Variants in IL3RA observed in about 807,000 individuals in gnomAD.
The protein encoded by IL3RA is interleukin-3 receptor subunit alpha.
In IL3RA, 73 loss-of-function variants were observed where a neutral mutation model predicts 52.3. That is an observed-to-expected ratio of 1.40 (90% confidence interval 1.16 to 1.70). The LOEUF is 1.70. Among genes scored for constraint, IL3RA ranks in the 40% most tolerant of loss-of-function variants. The pLI, the probability that IL3RA is intolerant of heterozygous loss-of-function variation, is 0.00. For missense variants in IL3RA, 664 were observed against 504.4 expected, an observed-to-expected ratio of 1.32 and a Z score of -3.03; for synonymous variants, 260 against 194.0, an observed-to-expected ratio of 1.34 and a Z score of -2.83.
At chrX:1,356,156 G>C (rs774625335) in intron 6 of IL3RA, 65 bp from the exon 7 acceptor site, 7 of 1,055,916 alleles carry the variant, frequency 6.6e-6, no homozygotes, top group Non-Finnish European at 1.0e-5. Context: ...GAAAAAAAAA[G>C]AGAAAAAGAA....
chrX:1,380,589 A>G (rs1405883669), intron 10 of IL3RA, among the ~76,000 whole-genome samples: 8 of 11,318 alleles, frequency 7.1e-4, no homozygotes, highest in African/African-American at 1.3e-3. Context: ...GGGGAGGGGG[A>G]AGGGGGAGGA....
chrX:1,340,009 C>G (rs2085427428), intron 1 of IL3RA, among the ~76,000 whole-genome samples: 1 of 151,982 alleles, frequency 6.6e-6, no homozygotes, highest in Admixed American at 6.6e-5. Flanking sequence ...GCTTTGTCAT[C>G]TGAGCTTCCT....
rs1569520685 is a variant in IL3RA at position 1,348,655 on chromosome X, T to TTTCTTTCC, written c.298+117_298+118insCTTCTTTC. The TTTCTTTCC allele has an allele frequency of 1.9e-4, 78 of 415,646 alleles. 3 individuals are homozygous for TTTCTTTCC. The highest frequency in any genetic ancestry group is 3.0e-4 in the Non-Finnish European group (73 of 244,980). The allele number at this position is 415,646 out of a possible 1,614,324, so 25.7% of individuals were successfully genotyped here. A position where few individuals can be genotyped will look rare whatever the true frequency, so the allele number is the denominator to read the frequency against. The stretch of plus-strand genomic sequence containing the variant: ...TTTCTTTTCTTTTTCTCTTTCTTTC[T>TTTCTTTCC]TTCTTTCTTTCTTTCTTTCTTTCTT... On this transcript the variant is annotated intron_variant, in intron 4 of 11. Coordinates refer to ENST00000331035, the MANE Select transcript of IL3RA (RefSeq NM_002183.4).
Position 1,350,317 on chromosome X carries a change from T to A in IL3RA, c.298+1772T>A, listed in dbSNP as rs749527122. ...TAAAAACACAAAAATTAGCCGGGCATGGTGGCTCACGCCTGTAATCCCAGC... is the reference window on the plus strand; with the variant it reads ...TAAAAACACAAAAATTAGCCGGGCAAGGTGGCTCACGCCTGTAATCCCAGC... On this transcript the variant is annotated intron_variant, in intron 4 of 11. Coordinates refer to ENST00000331035, the MANE Select transcript of IL3RA (RefSeq NM_002183.4). 2.1e-5 allele frequency among the ~76,000 whole-genome samples: 3 copies of A among 143,610 alleles called. No individual in the cohort carries two copies. The East Asian group carries it at 6.4e-4, about 30-fold the overall frequency. 94.2% of individuals were successfully genotyped at this position (143,610 alleles called of 152,430 possible). A position where few individuals can be genotyped will look rare whatever the true frequency, so the allele number is the denominator to read the frequency against.
At chrX:1,362,739 A>G (rs188102855) in intron 8 of IL3RA, among the ~76,000 whole-genome samples, 6 of 152,044 alleles carry the variant, frequency 3.9e-5, no homozygotes, top group Non-Finnish European at 7.4e-5. Context: ...CCGTCTCCAC[A>G]TGGCCTTCTC....
At position 1,348,694 on chromosome X, in the gene IL3RA, T is replaced by TTTCTTTCTTTCTTTC. The variant is rs1569520730; in HGVS notation, c.298+150_298+151insTCTTTCTTTCTTTCT. On this transcript the variant is annotated intron_variant, in intron 4 of 11. Transcript: ENST00000331035. ...TCTTTCTTTCTTTCTTTCTTTCTTTTTCTTTCTTTCTGTTTCTGTTTCTTT... is the reference window on the plus strand; with the variant it reads ...TCTTTCTTTCTTTCTTTCTTTCTTTTTTCTTTCTTTCTTTCTCTTTCTTTCTGTTTCTGTTTCTTT... The TTTCTTTCTTTCTTTC allele has an allele frequency of 1.8e-5, 5 of 273,422 alleles. No homozygotes were observed. In the African/African-American group the frequency reaches 2.2e-4, roughly 12 times the overall value. 16.9% of individuals were successfully genotyped at this position (273,422 alleles called of 1,614,324 possible). A position where few individuals can be genotyped will look rare whatever the true frequency, so the allele number is the denominator to read the frequency against.
At chrX:1,364,825 T>G (rs2087788520) in intron 8 of IL3RA, among the ~76,000 whole-genome samples, 1 of 151,816 alleles carries the variant, frequency 6.6e-6, no homozygotes, top group Non-Finnish European at 1.5e-5. Context: ...TTTATTTATT[T>G]AGAGACAGAG....
At chrX:1,345,753 G>C (rs1488589576) in intron 3 of IL3RA, among the ~76,000 whole-genome samples, 1 of 151,848 alleles carries the variant, frequency 6.6e-6, no homozygotes, top group Non-Finnish European at 1.5e-5. Flanking sequence ...GCCTCCCAAA[G>C]TGCTGGGATT....
chrX:1,336,949 G>C (rs1280781751), intron 1 of IL3RA, 23 bp downstream of exon 1: 1 of 152,276 alleles, frequency 6.6e-6, no homozygotes, highest in East Asian at 1.9e-4. Context: ...CTCCAGGGTG[G>C]GATGAGGGAA....
At chrX:1,350,392 C>T (rs1384537035) in intron 4 of IL3RA, among the ~76,000 whole-genome samples, 2 of 151,646 alleles carry the variant, frequency 1.3e-5, no homozygotes, top group East Asian at 1.9e-4. Flanking sequence ...GAATTCGAGA[C>T]CAGCCTGGCT....
intron 2 of IL3RA, among the ~76,000 whole-genome samples, chrX:1,344,846 A>T (rs1203211175): frequency 2.7e-5 from 4 of 149,802 alleles, no homozygotes; most frequent in Non-Finnish European, 3.0e-5. Context: ...CGGGCAAAAA[A>T]ACCATACCCA....
At chrX:1,382,291 A>T in intron 11 of IL3RA, 100 bp from the exon 12 acceptor site, 1 of 1,082,802 alleles carries the variant, frequency 9.2e-7, no homozygotes, top group Non-Finnish European at 1.4e-6. Context: ...TGCCTGGCCC[A>T]CAGAGCAGAT....
At chrX:1,379,775 T>TA (rs1309475076) in intron 10 of IL3RA, among the ~76,000 whole-genome samples, 16 of 152,172 alleles carry the variant, frequency 1.1e-4, no homozygotes, top group Non-Finnish European at 4.4e-5. Flanking sequence ...TCCTTTTTTT[T>TA]AGAGAAGGAG....
At chrX:1,377,287 CT>C (rs1354801164) in intron 9 of IL3RA, among the ~76,000 whole-genome samples, 1 of 151,974 alleles carries the variant, frequency 6.6e-6, no homozygotes, top group African/African-American at 2.4e-5. Context: ...TGTCGCCAGG[CT>C]GGAGTGCAGT....
At chrX:1,367,755 G>A (rs1349305788) in intron 9 of IL3RA, among the ~76,000 whole-genome samples, 1 of 131,238 alleles carries the variant, frequency 7.6e-6, no homozygotes. Context: ...CGGGGTGAGC[G>A]GGGTGCGCCG....
intron 7 of IL3RA, 41 bp from the exon 8 acceptor site, chrX:1,358,820 C>G: frequency 6.2e-7 from 1 of 1,611,322 alleles, no homozygotes; most frequent in Non-Finnish European, 8.5e-7. Flanking sequence ...CTTTCAGGGA[C>G]GGTCCAGACA....
chrX:1,340,783 G>A (rs1304992633), intron 1 of IL3RA, among the ~76,000 whole-genome samples: 5 of 152,036 alleles, frequency 3.3e-5, no homozygotes, highest in Non-Finnish European at 7.4e-5. Context: ...GCAGGAGTCC[G>A]AGACCAGCCT....
At chrX:1,344,308 C>G (rs1435458184) in intron 2 of IL3RA, among the ~76,000 whole-genome samples, 1 of 151,196 alleles carries the variant, frequency 6.6e-6, no homozygotes, top group Non-Finnish European at 1.5e-5. Flanking sequence ...GTGGCAGGCA[C>G]CTGTTATCCC....
intron 9 of IL3RA, among the ~76,000 whole-genome samples, chrX:1,367,834 G>A (rs1327833218): frequency 6.6e-6 from 1 of 150,842 alleles, no homozygotes; most frequent in African/African-American, 2.4e-5. Context: ...AGCGGGGTGC[G>A]CCATCCTGGG....
Sources: gnomAD v4.1 joint callset for allele counts (sites outside exome capture counted in the v4.1 genomes callset) on GRCh38, gnomAD v4.1.1 for gene constraint, MANE v1.5 for transcripts, NCBI Gene and HGNC (gene_info 2026-07-23, HGNC 2026-07-21) for gene names.